TPRA1: variants seen among roughly 807,000 people sequenced by gnomAD.
TPRA1 encodes the protein transmembrane protein adipocyte-associated 1.
TPRA1 carries 28 observed loss-of-function variants against 40.1 expected under a neutral mutation model. That is an observed-to-expected ratio of 0.70 (90% CI 0.52 to 0.96). The LOEUF (loss-of-function observed/expected upper bound fraction) is 0.96, where lower values mean the gene tolerates loss of function less well. Ranked by LOEUF, TPRA1 falls within the 40% of genes least tolerant of loss-of-function variation. TPRA1 has a pLI of 0.00. For synonymous variants in TPRA1, 219 were observed against 209.7 expected (o/e 1.04, Z -0.38); for missense variants, 441 against 482.6 (o/e 0.91, Z 0.81).
rs1320844137 is a variant in TPRA1 at position 127,572,171 on chromosome 3, A to G, written c.*1350T>C. Among the ~76,000 whole-genome samples, 1 of 151,902 alleles carries G rather than the reference A, an allele frequency of 6.6e-6. No individual in the cohort carries two copies. The highest frequency in any genetic ancestry group is 6.6e-5 in the Admixed American group (1 of 15,260). On this transcript the variant is annotated 3_prime_UTR_variant, in exon 11 of 11. Transcript: ENST00000355552. ...CAGGCCCTCCCAGGGAGCCTGACAC[A>G]TTGGCCCCACAGACATGAGCTGTGT...
At chr3:127,574,249 C>G (rs575181729) in intron 10 of TPRA1, among the ~76,000 whole-genome samples, 1 of 152,338 alleles carries the variant, frequency 6.6e-6, no homozygotes, top group East Asian at 1.9e-4. Context: ...CAAAAAGGAG[C>G]CTGAGGCTCA....
Position 127,573,383 on chromosome 3 carries a change from T to C in TPRA1, c.*138A>G, listed in dbSNP as rs909961098. The C allele has an allele frequency of 7.6e-5, 93 of 1,216,142 alleles. No homozygotes were observed. The highest frequency in any genetic ancestry group is 9.3e-5 in the Non-Finnish European group (84 of 902,250). 75.3% of individuals were successfully genotyped at this position (1,216,142 alleles called of 1,614,324 possible). A position where few individuals can be genotyped will look rare whatever the true frequency, so the allele number is the denominator to read the frequency against. On this transcript the variant is annotated 3_prime_UTR_variant, in exon 11 of 11. Transcript: ENST00000355552. ...TTGGGAGCCCCAGGGAGGTGGGGCC[T>C]CCAGACTCATGGTGGGAACAGGGCC... is the stretch of plus-strand genomic sequence containing the variant.
chr3:127,578,254 T>C (rs1157385322), intron 3 of TPRA1, among the ~76,000 whole-genome samples: 1 of 152,182 alleles, frequency 6.6e-6, no homozygotes, highest in Non-Finnish European at 1.5e-5. Context: ...TATGCCAGGC[T>C]CCCACTGGGC....
At chr3:127,584,367 A>G (rs968296442) in intron 1 of TPRA1, among the ~76,000 whole-genome samples, 3 of 142,376 alleles carry the variant, frequency 2.1e-5, no homozygotes, top group African/African-American at 7.7e-5. Context: ...ACTTGAGCCC[A>G]GGAGCTCCAG....
At chr3:127,582,160 A>G (rs2073853378) in intron 1 of TPRA1, among the ~76,000 whole-genome samples, 1 of 152,178 alleles carries the variant, frequency 6.6e-6, no homozygotes, top group Non-Finnish European at 1.5e-5. Context: ...CTTAAACACC[A>G]GAACACCTCT....
At chr3:127,589,730 C>G (rs190192201) in intron 1 of TPRA1, among the ~76,000 whole-genome samples, 1 of 152,100 alleles carries the variant, frequency 6.6e-6, no homozygotes, top group Admixed American at 6.5e-5. Context: ...CTCCAGCGCC[C>G]GAGCCGCGTC....
chr3:127,579,386 T>G (rs1189365769), intron 3 of TPRA1, among the ~76,000 whole-genome samples: 1 of 152,184 alleles, frequency 6.6e-6, no homozygotes, highest in Non-Finnish European at 1.5e-5. Flanking sequence ...CAGTGCCCCT[T>G]TCCTTGCTAG....
chr3:127,587,746 G>A (rs1174395981), intron 1 of TPRA1, among the ~76,000 whole-genome samples: 1 of 148,472 alleles, frequency 6.7e-6, no homozygotes, highest in Non-Finnish European at 1.5e-5. Flanking sequence ...GCGCGATGTC[G>A]GCTCACTGCA....
At chr3:127,589,977 C>T (rs1326297526) in intron 1 of TPRA1, among the ~76,000 whole-genome samples, 1 of 152,252 alleles carries the variant, frequency 6.6e-6, no homozygotes, top group East Asian at 1.9e-4. Flanking sequence ...TTCGACATGG[C>T]CCCCTCACGG....
At position 127,579,886 on chromosome 3, in the gene TPRA1, A is replaced by G; in HGVS notation, c.126-14T>C. The G allele has an allele frequency of 6.2e-7, 1 of 1,613,092 alleles. No homozygotes were observed. Among genetic ancestry groups the G allele is most frequent in the East Asian group, 2.2e-5 (1 of 44,882 alleles). ...CAGTACCGGACCCTGGCGGATGGGCACAGGAGCTGGCTCACTGGCGAGGCC... is the reference window on the plus strand; with the variant it reads ...CAGTACCGGACCCTGGCGGATGGGCGCAGGAGCTGGCTCACTGGCGAGGCC... On this transcript the variant is annotated splice_polypyrimidine_tract_variant and intron_variant, in intron 2 of 10. Coordinates refer to ENST00000355552, the MANE Select transcript of TPRA1 (RefSeq NM_001136053.4).
Position 127,576,084 on chromosome 3 carries a change from G to T in TPRA1, c.499-34C>A, listed in dbSNP as rs369819601. 31 of 1,537,678 alleles carry T rather than the reference G, an allele frequency of 2.0e-5. No homozygotes were observed. Among genetic ancestry groups the T allele is most frequent in the Non-Finnish European group, 2.7e-5 (30 of 1,113,448 alleles). On this transcript the variant is annotated intron_variant, in intron 6 of 10. Transcript: ENST00000355552. This position sits in a 1 kb window ranked among gnomAD's most constrained non-coding sequence, Gnocchi z 4.6. ...GCAAGCAGGAAGGGAGGAAGGGAGAGGATCTCAAGGCTTCTCTCTCCCAGG... is the reference window on the plus strand; with the variant it reads ...GCAAGCAGGAAGGGAGGAAGGGAGATGATCTCAAGGCTTCTCTCTCCCAGG...
At position 127,575,520 on chromosome 3, in the gene TPRA1, G is replaced by C. The variant is rs772328979; in HGVS notation, c.671-15C>G. ...GCTCCTCCGAGCTGGGGGCCGGACAGGGTGGGTCGTGAGGTCCCACCCTGG... is the reference window on the plus strand; with the variant it reads ...GCTCCTCCGAGCTGGGGGCCGGACACGGTGGGTCGTGAGGTCCCACCCTGG... On this transcript the variant is annotated splice_polypyrimidine_tract_variant and intron_variant, in intron 8 of 10. Transcript: ENST00000355552. The C allele has an allele frequency of 1.3e-6, 2 of 1,538,916 alleles. No homozygotes were observed. The highest frequency in any genetic ancestry group is 2.5e-5 in the South Asian group (2 of 81,222).
chr3:127,581,486 G>A (rs1423817520), intron 1 of TPRA1, among the ~76,000 whole-genome samples: 2 of 152,240 alleles, frequency 1.3e-5, no homozygotes, highest in African/African-American at 4.8e-5. Flanking sequence ...CATGGTAATT[G>A]GGGGAGGCCT....
intron 1 of TPRA1, among the ~76,000 whole-genome samples, chr3:127,580,608 C>T (rs1032715727): frequency 2.1e-4 from 32 of 152,234 alleles, no homozygotes; most frequent in African/African-American, 6.5e-4. Flanking sequence ...TGCCGAGTGC[C>T]TCAAACAAGG....
Position 127,573,241 on chromosome 3 carries a change from A to G in TPRA1, c.*280T>C. On this transcript the variant is annotated 3_prime_UTR_variant, in exon 11 of 11. Coordinates refer to ENST00000355552, the MANE Select transcript of TPRA1 (RefSeq NM_001136053.4). ...GGGTGCAGAGAAGGAGGGTGCCCTCAGCCAACCTTGCCAAGCATGGCCCTG... is the reference window on the plus strand; with the variant it reads ...GGGTGCAGAGAAGGAGGGTGCCCTCGGCCAACCTTGCCAAGCATGGCCCTG... 1 of 380,342 alleles carries G rather than the reference A, an allele frequency of 2.6e-6. No individual in the cohort carries two copies. Among genetic ancestry groups the G allele is most frequent in the African/African-American group, 2.0e-5 (1 of 49,970 alleles). 23.6% of individuals were successfully genotyped at this position (380,342 alleles called of 1,614,324 possible).
chr3:127,579,957 AC>A, intron 2 of TPRA1, 64 bp downstream of exon 2: 3 of 1,606,120 alleles, frequency 1.9e-6, no homozygotes, highest in South Asian at 1.1e-5. Context: ...CACCCTCACC[AC>A]CCCCCTACAC....
rs572180017 is a variant in TPRA1 at position 127,578,171 on chromosome 3, C to G, written c.259-1095G>C. 3.9e-5 allele frequency among the ~76,000 whole-genome samples: 6 copies of G among 152,356 alleles called. No individual in the cohort carries two copies. In the East Asian group the frequency reaches 7.7e-4, roughly 20 times the overall value. On this transcript the variant is annotated intron_variant, in intron 3 of 10. Coordinates refer to ENST00000355552, the MANE Select transcript of TPRA1 (RefSeq NM_001136053.4). Reference sequence around the variant, plus strand: ...ACACATGCCCAGATCCATATATACTCTGTCTTTTGTGCCATGAGAAATTGT... The same window carrying G: ...ACACATGCCCAGATCCATATATACTGTGTCTTTTGTGCCATGAGAAATTGT...
chr3:127,576,549 A>C lies in TPRA1; in HGVS notation c.498+68T>G. ...GTGATAAAGACTGGAAACCTGACCC[A>C]GACCCAGAAGCAGTGGGTGCCTGGT... On this transcript the variant is annotated intron_variant, in intron 6 of 10. Coordinates refer to ENST00000355552, the MANE Select transcript of TPRA1 (RefSeq NM_001136053.4). This position sits in a 1 kb window ranked among gnomAD's most constrained non-coding sequence, Gnocchi z 4.6. 6.9e-7 allele frequency: 1 copy of C among 1,457,140 alleles called. No individual in the cohort carries two copies. The highest frequency in any genetic ancestry group is 9.3e-7 in the Non-Finnish European group (1 of 1,075,064). The allele number at this position is 1,457,140 out of a possible 1,614,324, so 90.3% of individuals were successfully genotyped here.
intron 10 of TPRA1, 75 bp from the exon 11 acceptor site, chr3:127,573,863 G>A: frequency 1.3e-6 from 2 of 1,488,316 alleles, no homozygotes; most frequent in South Asian, 2.8e-5. Context: ...AGGCTGATGG[G>A]GCCACCAGAT....
Sources: allele counts gnomAD v4.1 joint callset (sites outside exome capture counted in the v4.1 genomes callset), GRCh38; gene constraint gnomAD v4.1.1; non-coding constraint Gnocchi (gnomAD v3.1); transcripts MANE v1.5; gene names NCBI Gene and HGNC (gene_info 2026-07-23, HGNC 2026-07-21).